PRR12: variants seen among roughly 807,000 people sequenced by gnomAD.
PRR12 encodes the protein proline rich 12.
In PRR12, 12 loss-of-function variants were observed where a neutral mutation model predicts 138.0. The ratio of observed to expected loss-of-function variants is 0.09; its 90% CI spans 0.06 to 0.14. The LOEUF is 0.14. Among genes scored for constraint, PRR12 ranks in the 10% least tolerant of loss-of-function variants. PRR12 has a pLI of 1.00. For synonymous variants in PRR12, 1,567 were observed against 1,291.7 expected, an observed-to-expected ratio of 1.21 and a Z score of -4.57; for missense variants, 2,692 against 2,861.3, an observed-to-expected ratio of 0.94 and a Z score of 1.35.
Position 49,594,579 on chromosome 19 carries a change from C to T in PRR12, c.325C>T (p.Leu109Phe). ...CCAGCCTGGCCCCTCCGCCTCCTCT[C>T]TCCTCTCCCAGTTCCGCAGTCCTTC... is the stretch of plus-strand genomic sequence containing the variant. Reference protein sequence around the residue: ...GPQPGPSASSLLSQFRSPSWQ... With the variant: ...GPQPGPSASSFLSQFRSPSWQ... The change falls in exon 3 of 14, where the codon CTC becomes TTC. Residue 109 changes from leucine to phenylalanine, a missense_variant. Leu to Phe is a conservative substitution (Grantham distance 22). Transcript: ENST00000418929. This position sits in a 1 kb window ranked among gnomAD's most constrained non-coding sequence, Gnocchi z 5.6. 5.0e-6 allele frequency: 8 copies of T among 1,613,234 alleles called. No homozygotes were observed. Among genetic ancestry groups the T allele is most frequent in the Non-Finnish European group, 6.8e-6 (8 of 1,179,808 alleles).
At position 49,594,304 on chromosome 19, in the gene PRR12, T is replaced by G; in HGVS notation, c.200-150T>G. The G allele has an allele frequency of 1.6e-6, 1 of 639,656 alleles. No individual in the cohort carries two copies. The highest frequency in any genetic ancestry group is 3.5e-5 in the Admixed American group (1 of 28,638). 39.6% of individuals were successfully genotyped at this position (639,656 alleles called of 1,614,324 possible). ...TCCCCTCATTCATGTCTCATTAGCT[T>G]GGTTCTATCCATCTTGTTTTTGAAT... On this transcript the variant is annotated intron_variant, in intron 2 of 13. Transcript: ENST00000418929. The surrounding 1 kb of genome is among the most constrained non-coding windows in gnomAD (Gnocchi z 5.6).
chr19:49,606,998 A>C (rs1245392394), intron 6 of PRR12, among the ~76,000 whole-genome samples: 1 of 152,046 alleles, frequency 6.6e-6, no homozygotes, highest in Non-Finnish European at 1.5e-5. Context: ...TTATAAAGAT[A>C]AAAAAGATAG....
Position 49,620,367 on chromosome 19 carries a change from G to C in PRR12, c.5513G>C (p.Gly1838Ala). Residue 1838 changes from glycine (G) to alanine (A), a missense_variant, in exon 10 of 14, where the codon GGG becomes GCG. Around this residue, in one of 11 missense-constraint regions of PRR12, gnomAD observed 259 missense variants for 265.1 expected, o/e 0.98. Transcript: ENST00000418929. ...APSEDERAVP[G>A]RLLKTRAMRE... is the part of the protein sequence containing the mutation. ...TTTTCTGCAGAGCGGGCAGTACCTG[G>C]GCGTCTGCTCAAAACCAGGGCGATG... 1 of 1,613,098 alleles carries C rather than the reference G, an allele frequency of 6.2e-7. No individual in the cohort carries two copies.
chr19:49,593,989 C>T (rs559214848), intron 2 of PRR12, among the ~76,000 whole-genome samples: 68 of 152,196 alleles, frequency 4.5e-4, no homozygotes, highest in African/African-American at 1.6e-3. Context: ...GGCTCCTTCC[C>T]TTTTTCCCTC....
At chr19:49,598,359 C>G (rs907365209) in intron 4 of PRR12, among the ~76,000 whole-genome samples, 5 of 152,102 alleles carry the variant, frequency 3.3e-5, no homozygotes, top group African/African-American at 7.2e-5. Flanking sequence ...CAGACCTGAG[C>G]CACCGCGCCC....
In PRR12 at chr19:49,595,046, T is replaced by A. The variant is rs1210903611; in HGVS notation, c.711T>A (p.Pro237=). 1 of 1,524,708 alleles carries A rather than the reference T, an allele frequency of 6.6e-7. No homozygotes were observed. The highest frequency in any genetic ancestry group is 8.8e-7 in the Non-Finnish European group (1 of 1,133,352). The allele number at this position is 1,524,708 out of a possible 1,614,324, so 94.4% of individuals were successfully genotyped here. A position where few individuals can be genotyped will look rare whatever the true frequency, so the allele number is the denominator to read the frequency against. Residue 237 remains proline (P), a synonymous_variant, in exon 4 of 14, where the codon CCT becomes CCA. Transcript: ENST00000418929. ...CTGGCCCCCCAGACCCACCACCACCTCCTCGCCACCTCCCAACTCAGTTCA... is the reference window on the plus strand; with the variant it reads ...CTGGCCCCCCAGACCCACCACCACCACCTCGCCACCTCCCAACTCAGTTCA... ...YRPGPPDPPP[P]PRHLPTQFNL...
Position 49,599,383 on chromosome 19 carries a change from G to A in PRR12, c.3790G>A (p.Glu1264Lys). The change falls in exon 5 of 14, where the codon GAG becomes AAG. Residue 1264 changes from glutamate (E) to lysine (K), a missense_variant. Physicochemically the swap from Glu to Lys is moderately conservative, Grantham distance 56 (BLOSUM62 1). Coordinates refer to ENST00000418929, the MANE Select transcript of PRR12 (RefSeq NM_020719.3). The surrounding 1 kb of genome is among the most constrained non-coding windows in gnomAD (Gnocchi z 5.0). Reference protein sequence around the residue: ...LDSSLTREKIEAKIKEVEEKQ... With the variant: ...LDSSLTREKIKAKIKEVEEKQ... ...CTCGAGCCTGACTCGGGAGAAGATCGAGGCCAAGATTAAGGAGGTGGAGGA... is the reference window on the plus strand; with the variant it reads ...CTCGAGCCTGACTCGGGAGAAGATCAAGGCCAAGATTAAGGAGGTGGAGGA... The A allele has an allele frequency of 2.5e-6, 4 of 1,612,654 alleles. No homozygotes were observed. The highest frequency in any genetic ancestry group is 1.1e-5 in the South Asian group (1 of 90,874).
chr19:49,620,934 G>C (rs937719308), intron 10 of PRR12, among the ~76,000 whole-genome samples: 6 of 144,488 alleles, frequency 4.2e-5, no homozygotes, highest in African/African-American at 1.6e-4. Context: ...TCCCGGGTCT[G>C]AGGAAGGAGG....
At position 49,599,660 on chromosome 19, in the gene PRR12, G is replaced by A; in HGVS notation, c.4067G>A (p.Gly1356Glu). The A allele has an allele frequency of 6.2e-7, 1 of 1,612,362 alleles. No individual in the cohort carries two copies. The highest frequency in any genetic ancestry group is 8.5e-7 in the Non-Finnish European group (1 of 1,178,856). Residue 1356 changes from glycine to glutamate, a missense_variant, in exon 5 of 14, where the codon GGG becomes GAG. Physicochemically the swap from Gly to Glu is moderately conservative, Grantham distance 98 (BLOSUM62 -2). This residue lies in a region of PRR12 where 326 missense variants were observed against 344.2 expected (regional missense o/e 0.95). Transcript: ENST00000418929. This position sits in a 1 kb window ranked among gnomAD's most constrained non-coding sequence, Gnocchi z 5.0. The part of the protein sequence containing the change: ...ALEAAESEGL[G>E]LGCPSPCKRL... Reference sequence around the variant, plus strand: ...GAGGCTGCAGAGAGTGAGGGTCTGGGGCTTGGCTGCCCTTCACCCTGCAAG... The same window carrying A: ...GAGGCTGCAGAGAGTGAGGGTCTGGAGCTTGGCTGCCCTTCACCCTGCAAG...
rs148312497 is a variant in PRR12, at chr19:49,594,676, C to T, written c.362-21C>T. 1.3e-4 allele frequency: 205 copies of T among 1,610,818 alleles called. 2 individuals carry two copies. The East Asian group carries it at 2.6e-3, about 20-fold the overall frequency. On this transcript the variant is annotated intron_variant, in intron 3 of 13. Transcript: ENST00000418929. The surrounding 1 kb of genome is among the most constrained non-coding windows in gnomAD (Gnocchi z 5.6). ...GACTGGCTCGCTGTTCTCTCTGACG[C>T]GCGGTCTTCCTCATCTCCAGCCATG...
At chr19:49,606,052 G>A (rs966458843) in intron 6 of PRR12, among the ~76,000 whole-genome samples, 14 of 152,138 alleles carry the variant, frequency 9.2e-5, no homozygotes, top group Admixed American at 2.6e-4. Context: ...CCAGGCTGGT[G>A]TACAGTGGCA....
chr19:49,602,158 C>T (rs537054917), intron 6 of PRR12, among the ~76,000 whole-genome samples: 5 of 152,250 alleles, frequency 3.3e-5, no homozygotes, highest in African/African-American at 9.6e-5. Flanking sequence ...ATTGTTAACG[C>T]GTATGTGTCT....
At chr19:49,602,159 G>A (rs1335665779) in intron 6 of PRR12, among the ~76,000 whole-genome samples, 2 of 152,176 alleles carry the variant, frequency 1.3e-5, no homozygotes, top group Non-Finnish European at 2.9e-5. Flanking sequence ...TTGTTAACGC[G>A]TATGTGTCTA....
chr19:49,599,195 A>G lies in PRR12; in HGVS notation c.3679-77A>G, dbSNP rs76157012. On this transcript the variant is annotated intron_variant, in intron 4 of 13. Transcript: ENST00000418929. The surrounding 1 kb of genome is among the most constrained non-coding windows in gnomAD (Gnocchi z 5.0). ...ACAGGCTGAGCACCTGTAAATTTGG[A>G]TTTTTGGGGGCTGAGGGAGGATGGG... 7.6e-4 allele frequency: 1,064 copies of G among 1,408,010 alleles called. 10 individuals are homozygous for G. In the African/African-American group the frequency reaches 0.014, roughly 18 times the overall value. 87.2% of individuals were successfully genotyped at this position (1,408,010 alleles called of 1,614,324 possible).
rs1261428358 is a variant in PRR12, at chr19:49,623,311, T to A, written c.5722-1533T>A. 5.9e-5 allele frequency among the ~76,000 whole-genome samples: 9 copies of A among 151,982 alleles called. 1 individual carries two copies. Among genetic ancestry groups the A allele is most frequent in the Admixed American group, 5.9e-4 (9 of 15,252 alleles). On this transcript the variant is annotated intron_variant, in intron 11 of 13. Transcript: ENST00000418929. ...TTAGAGTAGGTCTGAGAAGTATGTG[T>A]TATTAGTCGGGAGTTAGAATTCTGG...
intron 4 of PRR12, among the ~76,000 whole-genome samples, chr19:49,598,363 C>T (rs1231867533): frequency 2.0e-5 from 3 of 152,148 alleles, no homozygotes; most frequent in African/African-American, 7.2e-5. Flanking sequence ...CCTGAGCCAC[C>T]GCGCCCGGCC....
At chr19:49,623,364 G>A (rs1458827962) in intron 11 of PRR12, among the ~76,000 whole-genome samples, 2 of 151,888 alleles carry the variant, frequency 1.3e-5, no homozygotes, top group Admixed American at 1.3e-4. Context: ...GGAGGCTCAT[G>A]TTGGTAATCC....
In PRR12 at chr19:49,620,493, GGGA is replaced by G. The variant is rs752355262; in HGVS notation, c.5623+22_5623+24del. ...GACACGCATGGTGAGCTGAGGCCTG[GGGA>G]GGAGGGGGGGGGGCTGACTCGGTCT... On this transcript the variant is annotated intron_variant, in intron 10 of 13. Coordinates refer to ENST00000418929, the MANE Select transcript of PRR12 (RefSeq NM_020719.3). 117 of 1,552,432 alleles carry G rather than the reference GGGA, an allele frequency of 7.5e-5. No individual in the cohort carries two copies. Among genetic ancestry groups the G allele is most frequent in the Non-Finnish European group, 7.1e-5 (81 of 1,147,568 alleles).
chr19:49,616,012 C>A lies in PRR12; in HGVS notation c.5290C>A (p.Gln1764Lys). Residue 1764 changes from glutamine to lysine, a missense_variant, in exon 9 of 14, where the codon CAG becomes AAG. Coordinates refer to ENST00000418929, the MANE Select transcript of PRR12 (RefSeq NM_020719.3). This position sits in a 1 kb window ranked among gnomAD's most constrained non-coding sequence, Gnocchi z 4.2. ...LRGERATSGR[Q>K]TRPERSLATG... Reference sequence around the variant, plus strand: ...GGGTGAGCGGGCCACCAGCGGACGGCAGACACGGCCAGAGCGGAGTCTCGC... The same window carrying A: ...GGGTGAGCGGGCCACCAGCGGACGGAAGACACGGCCAGAGCGGAGTCTCGC... 1 of 1,553,264 alleles carries A rather than the reference C, an allele frequency of 6.4e-7. No individual in the cohort carries two copies. The highest frequency in any genetic ancestry group is 8.7e-7 in the Non-Finnish European group (1 of 1,148,162).
Sources: allele counts gnomAD v4.1 joint callset (sites outside exome capture counted in the v4.1 genomes callset), GRCh38; gene constraint gnomAD v4.1.1; regional missense constraint gnomAD v4.1.1; non-coding constraint Gnocchi (gnomAD v3.1); transcripts MANE v1.5; gene names NCBI Gene and HGNC (gene_info 2026-07-23, HGNC 2026-07-21).